The following HECW1 variants were observed in gnomAD, a reference collection of about 807,000 sequenced individuals.
HECW1 encodes the protein HECT, C2 and WW domain containing E3 ubiquitin protein ligase 1.
A neutral mutation model predicts 182.3 loss-of-function variants in HECW1; 61 were observed. The observed-to-expected ratio is 0.33, with a 90% CI of 0.27 to 0.41. The LOEUF is 0.41. HECW1 is among the 10% of genes least tolerant of loss of function. HECW1 has a pLI of 1.00. For synonymous variants in HECW1, 859 were observed against 832.6 expected (o/e 1.03, Z -0.55); for missense variants, 1,739 against 2,108.9 (o/e 0.82, Z 3.44).
intron 3 of HECW1, among the ~76,000 whole-genome samples, chr7:43,298,899 C>T (rs561386009): frequency 1.1e-4 from 16 of 152,310 alleles, no homozygotes; most frequent in African/African-American, 3.6e-4. Flanking sequence ...TTAATCTCTG[C>T]TGTTTTCCGC....
At chr7:43,462,185 A>ATCC (rs1049944963) in intron 13 of HECW1, among the ~76,000 whole-genome samples, 10 of 151,800 alleles carry the variant, frequency 6.6e-5, no homozygotes, top group African/African-American at 2.4e-4. Context: ...CTTGTCTCTC[A>ATCC]TCCTCCTCCT....
intron 8 of HECW1, among the ~76,000 whole-genome samples, chr7:43,436,527 T>C (rs912170162): frequency 6.6e-6 from 1 of 151,978 alleles, no homozygotes; most frequent in African/African-American, 2.4e-5. Flanking sequence ...TGGAAAATTA[T>C]AGTCAAAGGA....
chr7:43,360,636 A>G (rs1052347024), intron 5 of HECW1, among the ~76,000 whole-genome samples: 2 of 152,334 alleles, frequency 1.3e-5, no homozygotes, highest in African/African-American at 4.8e-5. Context: ...GGTAGGATGG[A>G]TGCTGAGAAG....
intron 2 of HECW1, among the ~76,000 whole-genome samples, chr7:43,205,214 G>C (rs944306756): frequency 3.9e-5 from 6 of 151,988 alleles, no homozygotes; most frequent in African/African-American, 1.5e-4. Flanking sequence ...CTCCCAAGTA[G>C]CTGGAATTAC....
chr7:43,139,542 T>A (rs1050136937), intron 2 of HECW1, among the ~76,000 whole-genome samples: 2 of 152,136 alleles, frequency 1.3e-5, no homozygotes, highest in Non-Finnish European at 2.9e-5. Flanking sequence ...TAACATTTAG[T>A]ATTTTAGCAT....
intron 16 of HECW1, among the ~76,000 whole-genome samples, chr7:43,470,061 C>G (rs1290156321): frequency 6.6e-6 from 1 of 152,164 alleles, no homozygotes; most frequent in Admixed American, 6.5e-5. Context: ...AAATGAATCT[C>G]CAGGACCAGC....
chr7:43,284,502 C>CAAAAAAAAAA (rs1165081149), intron 3 of HECW1, among the ~76,000 whole-genome samples: 9 of 53,686 alleles, frequency 1.7e-4, no homozygotes, highest in East Asian at 7.1e-4. Context: ...CCCATTTCTA[C>CAAAAAAAAAA]AAAAAAAAAA....
intron 6 of HECW1, among the ~76,000 whole-genome samples, chr7:43,386,208 T>G (rs1483530988): frequency 6.6e-6 from 1 of 152,204 alleles, no homozygotes; most frequent in East Asian, 1.9e-4. Context: ...TTGAAAGAAT[T>G]TGTGTGATTC....
intron 6 of HECW1, among the ~76,000 whole-genome samples, chr7:43,386,887 A>G (rs1329307852): frequency 6.6e-6 from 1 of 152,206 alleles, no homozygotes; most frequent in East Asian, 1.9e-4. Context: ...TTAAAATAGC[A>G]GCTTGACATG....
chr7:43,334,797 A>G (rs1028468227), intron 5 of HECW1, among the ~76,000 whole-genome samples: 7 of 152,222 alleles, frequency 4.6e-5, no homozygotes, highest in African/African-American at 1.7e-4. Context: ...TGCTTCTCAT[A>G]TCCTTTGGGG....
chr7:43,248,245 A>C (rs182919404), intron 3 of HECW1, among the ~76,000 whole-genome samples: 1 of 152,080 alleles, frequency 6.6e-6, no homozygotes, highest in Admixed American at 6.5e-5. Flanking sequence ...TGACAGCAAC[A>C]CCCCTCTCCT....
chr7:43,502,913 A>G (rs960297930), intron 21 of HECW1, among the ~76,000 whole-genome samples: 26 of 152,160 alleles, frequency 1.7e-4, no homozygotes, highest in African/African-American at 5.8e-4. Flanking sequence ...TAAAATTCCC[A>G]AGAGAAACAG....
intron 2 of HECW1, among the ~76,000 whole-genome samples, chr7:43,158,134 T>G (rs1414534809): frequency 6.6e-6 from 1 of 152,198 alleles, no homozygotes; most frequent in African/African-American, 2.4e-5. Flanking sequence ...TGAAGAAATG[T>G]TTACTAAATA....
At chr7:43,172,362 A>C (rs1791781353) in intron 2 of HECW1, among the ~76,000 whole-genome samples, 1 of 151,798 alleles carries the variant, frequency 6.6e-6, no homozygotes, top group Admixed American at 6.6e-5. Flanking sequence ...AAATAGAAAA[A>C]AATTTTCTAT....
rs568352820 is a variant in HECW1, at chr7:43,389,832, A to G, written c.556-6982A>G. 7.4e-4 allele frequency among the ~76,000 whole-genome samples: 113 copies of G among 152,072 alleles called. 1 individual carries two copies. Among genetic ancestry groups the G allele is most frequent in the Admixed American group, 7.1e-3 (109 of 15,276 alleles). ...AATTTTTGTAGAGAAAGAGTCTCAC[A>G]ATGTTGCTCAGGCTGATTTTGAACT... On this transcript the variant is annotated intron_variant, in intron 6 of 29. Transcript: ENST00000395891.
At chr7:43,306,647 A>G (rs1584411574) in intron 3 of HECW1, among the ~76,000 whole-genome samples, 1 of 152,170 alleles carries the variant, frequency 6.6e-6, no homozygotes, top group East Asian at 1.9e-4. Context: ...TTTCTCTATT[A>G]TAGACATGCC....
intron 2 of HECW1, among the ~76,000 whole-genome samples, chr7:43,220,503 C>T (rs1796849851): frequency 6.6e-6 from 1 of 152,246 alleles, no homozygotes; most frequent in African/African-American, 2.4e-5. Context: ...ACTCTAATCA[C>T]AGCCCTCATC....
intron 2 of HECW1, among the ~76,000 whole-genome samples, chr7:43,117,520 T>C (rs549127236): frequency 7.8e-6 from 1 of 128,166 alleles, no homozygotes; most frequent in Non-Finnish European, 1.7e-5. Flanking sequence ...TTACCATTGC[T>C]TTTCCAAGTT....
intron 24 of HECW1, among the ~76,000 whole-genome samples, chr7:43,531,681 A>G (rs35278384): frequency 0.19 from 29,566 of 151,894 alleles, 3,189 homozygotes; most frequent in Non-Finnish European, 0.25. Flanking sequence ...GATTGCCAAA[A>G]CCATCTGGTG....
Sources: gnomAD v4.1 joint callset for allele counts (sites outside exome capture counted in the v4.1 genomes callset) on GRCh38, gnomAD v4.1.1 for gene constraint, MANE v1.5 for transcripts, NCBI Gene and HGNC (gene_info 2026-07-23, HGNC 2026-07-21) for gene names.